Variants in NALCN observed in about 807,000 individuals in gnomAD.
The protein encoded by NALCN is sodium leak channel NALCN.
Under a neutral mutation model 225.3 loss-of-function variants are expected in NALCN, and 111 were observed. The observed-to-expected ratio is 0.49, with a 90% CI of 0.42 to 0.58. The LOEUF (loss-of-function observed/expected upper bound fraction) is 0.58, where lower values mean the gene tolerates loss of function less well. Among genes scored for constraint, NALCN ranks in the 20% least tolerant of loss-of-function variants. The probability of loss-of-function intolerance (pLI) is 0.00; values close to 1 mark genes in which losing one functional copy is unlikely to be tolerated. For synonymous variants in NALCN, 764 were observed against 769.0 expected (o/e 0.99, Z 0.11); for missense variants, 1,378 against 2,202.4 (o/e 0.63, Z 7.49).
chr13:101,283,352 A>G (rs958519019), intron 10 of NALCN, among the ~76,000 whole-genome samples: 5 of 152,120 alleles, frequency 3.3e-5, no homozygotes, highest in African/African-American at 1.2e-4. Flanking sequence ...ATTGTTGTCA[A>G]TGGCAGCTTG....
At chr13:101,384,097 A>G (rs750494181) in intron 3 of NALCN, among the ~76,000 whole-genome samples, 5 of 152,160 alleles carry the variant, frequency 3.3e-5, no homozygotes, top group Non-Finnish European at 5.9e-5. Flanking sequence ...GATTCCATTT[A>G]TAAGCATGGC....
At chr13:101,269,643 A>G (rs2042710898) in intron 10 of NALCN, among the ~76,000 whole-genome samples, 1 of 152,194 alleles carries the variant, frequency 6.6e-6, no homozygotes, top group African/African-American at 2.4e-5. Context: ...CAAGCAATAC[A>G]ATCTTGTTGC....
intron 42 of NALCN, chr13:101,058,422 GGGGGC>G: frequency 1.0e-5 from 2 of 195,554 alleles, no homozygotes; most frequent in South Asian, 9.6e-5. Flanking sequence ...CGGGCTGGGC[GGGGGC>G]AGTCTACTGT....
intron 13 of NALCN, among the ~76,000 whole-genome samples, chr13:101,228,689 C>G (rs1318603181): frequency 6.6e-6 from 1 of 152,134 alleles, no homozygotes; most frequent in South Asian, 2.1e-4. Flanking sequence ...CCAGTTTCAT[C>G]GAGTATGTCT....
chr13:101,149,527 T>C (rs908020368), intron 15 of NALCN, among the ~76,000 whole-genome samples: 2 of 152,210 alleles, frequency 1.3e-5, no homozygotes, highest in African/African-American at 2.4e-5. Context: ...CTATAGTACA[T>C]TCTAGGGAGT....
chr13:101,345,676 T>TCTA, intron 6 of NALCN, among the ~76,000 whole-genome samples: 2 of 127,928 alleles, frequency 1.6e-5, no homozygotes, highest in East Asian at 4.8e-4. Flanking sequence ...CCTTTGCTCT[T>TCTA]TCTATCTATC....
chr13:101,061,926 G>A, intron 41 of NALCN, 42 bp downstream of exon 41: 1 of 1,573,690 alleles, frequency 6.4e-7, no homozygotes, highest in Non-Finnish European at 8.6e-7. Flanking sequence ...GGCAGGGCGG[G>A]GCGGGGCGGG....
At chr13:101,142,445 ATAT>A (rs1336970013) in intron 17 of NALCN, among the ~76,000 whole-genome samples, 4 of 151,956 alleles carry the variant, frequency 2.6e-5, no homozygotes, top group Admixed American at 2.0e-4. Context: ...CACAGCCCTT[ATAT>A]TATTTTTTTT....
chr13:101,190,630 A>G (rs1307732906), intron 14 of NALCN, among the ~76,000 whole-genome samples: 2 of 152,232 alleles, frequency 1.3e-5, no homozygotes, highest in East Asian at 1.9e-4. Flanking sequence ...ACTTCACACC[A>G]TGTAACAATG....
At chr13:101,331,314 C>T (rs2045161589) in intron 7 of NALCN, among the ~76,000 whole-genome samples, 1 of 151,970 alleles carries the variant, frequency 6.6e-6, no homozygotes, top group African/African-American at 2.4e-5. Context: ...AAGAAAACAG[C>T]AAGAACAGGA....
chr13:101,083,849 T>C, intron 30 of NALCN, 45 bp from the exon 31 acceptor site: 2 of 1,583,450 alleles, frequency 1.3e-6, no homozygotes, highest in Middle Eastern at 1.7e-4. Context: ...TGTCATGTGC[T>C]TGCACCAAGA....
intron 1 of NALCN, among the ~76,000 whole-genome samples, chr13:101,413,762 ATT>A (rs1199434162): frequency 1.3e-5 from 2 of 152,232 alleles, no homozygotes; most frequent in Non-Finnish European, 2.9e-5. Flanking sequence ...AATTAAAAAA[ATT>A]TAAGCATTTG....
chr13:101,313,664 G>A (rs2139158113), intron 7 of NALCN, among the ~76,000 whole-genome samples: 1 of 152,286 alleles, frequency 6.6e-6, no homozygotes, highest in Non-Finnish European at 1.5e-5. Context: ...GGAAAGAACA[G>A]GTGCTGGAGA....
At chr13:101,114,711 A>C (rs1386448910) in intron 18 of NALCN, among the ~76,000 whole-genome samples, 2 of 152,192 alleles carry the variant, frequency 1.3e-5, no homozygotes, top group Admixed American at 1.3e-4. Flanking sequence ...TAAAACTGTG[A>C]GATGAAAAAC....
In NALCN at chr13:101,100,781, T is replaced by C. The variant is rs2034767716; in HGVS notation, c.3162+3A>G. On this transcript the variant is annotated splice_donor_region_variant and intron_variant, in intron 27 of 43. Transcript: ENST00000251127. ...TTTCAAAAGACAGAAAGATACATCT[T>C]ACCCTTCTAATAATGTTGGGATCAT... 6.2e-7 allele frequency: 1 copy of C among 1,604,270 alleles called. No individual in the cohort carries two copies. Among genetic ancestry groups the C allele is most frequent in the Middle Eastern group, 1.7e-4 (1 of 5,998 alleles).
chr13:101,069,722 G>A (rs1179684871), intron 37 of NALCN, among the ~76,000 whole-genome samples: 1 of 152,140 alleles, frequency 6.6e-6, no homozygotes, highest in African/African-American at 2.4e-5. Flanking sequence ...CTGGTTTATC[G>A]AGTAATTTTA....
At chr13:101,262,575 C>G (rs942449170) in intron 10 of NALCN, among the ~76,000 whole-genome samples, 21 of 152,222 alleles carry the variant, frequency 1.4e-4, no homozygotes, top group African/African-American at 5.1e-4. Flanking sequence ...ACTGTCTGGT[C>G]TGACCTGAGA....
intron 14 of NALCN, among the ~76,000 whole-genome samples, chr13:101,178,646 G>A (rs1004972610): frequency 2.0e-5 from 3 of 152,240 alleles, no homozygotes; most frequent in South Asian, 2.1e-4. Context: ...TACTTGTCAC[G>A]GAAATATGAG....
intron 17 of NALCN, among the ~76,000 whole-genome samples, chr13:101,136,455 TC>T (rs2139756720): frequency 9.9e-6 from 1 of 101,172 alleles, no homozygotes; most frequent in African/African-American, 3.8e-5. Flanking sequence ...CCCTCCCCCC[TC>T]CCCCTGCCCC....
Sources: gnomAD v4.1 joint callset for allele counts (sites outside exome capture counted in the v4.1 genomes callset) on GRCh38, gnomAD v4.1.1 for gene constraint, MANE v1.5 for transcripts, NCBI Gene and HGNC (gene_info 2026-07-23, HGNC 2026-07-21) for gene names.